Variants in MAN1C1 observed in about 807,000 individuals in gnomAD.
MAN1C1 encodes the protein mannosyl-oligosaccharide 1,2-alpha-mannosidase IC.
Under a neutral mutation model 71.5 loss-of-function variants are expected in MAN1C1, and 49 were observed. The observed-to-expected ratio is 0.69, with a 90% CI of 0.54 to 0.87. The LOEUF is 0.87. Among genes scored for constraint, MAN1C1 ranks in the 40% least tolerant of loss-of-function variants. The pLI, the probability that MAN1C1 is intolerant of heterozygous loss-of-function variation, is 0.00. For missense variants in MAN1C1, 743 were observed against 835.0 expected (o/e 0.89, Z 1.36); for synonymous variants, 352 against 343.7 (o/e 1.02, Z -0.27).
chr1:25,757,628 T>TA, intron 5 of MAN1C1, among the ~76,000 whole-genome samples: 1 of 152,148 alleles, frequency 6.6e-6, no homozygotes, highest in Admixed American at 6.5e-5. Flanking sequence ...CACTGTGTCT[T>TA]ACGGATGCAG....
At position 25,711,844 on chromosome 1, in the gene MAN1C1, A is replaced by G. The variant is rs569443754; in HGVS notation, c.637+25308A>G. On this transcript the variant is annotated intron_variant, in intron 2 of 11. Coordinates refer to ENST00000374332, the MANE Select transcript of MAN1C1 (RefSeq NM_020379.4). The surrounding 1 kb of genome is among the most constrained non-coding windows in gnomAD (Gnocchi z 4.3). Reference sequence around the variant, plus strand: ...TTTATTTTACTAAAAGATTCCTTTCATTCAGATCATGAGACAGAATTGGGA... The same window carrying G: ...TTTATTTTACTAAAAGATTCCTTTCGTTCAGATCATGAGACAGAATTGGGA... Among the ~76,000 whole-genome samples the G allele has an allele frequency of 6.6e-6, 1 of 152,246 alleles. No homozygotes were observed. The highest frequency in any genetic ancestry group is 1.5e-5 in the Non-Finnish European group (1 of 68,044).
At chr1:25,756,472 G>A (rs974300844) in intron 5 of MAN1C1, among the ~76,000 whole-genome samples, 15 of 152,096 alleles carry the variant, frequency 9.9e-5, no homozygotes, top group Admixed American at 3.9e-4. Context: ...GGGAAAAGGA[G>A]AACAAAAGAC....
chr1:25,708,840 C>T (rs2046563643), intron 2 of MAN1C1, among the ~76,000 whole-genome samples: 1 of 151,830 alleles, frequency 6.6e-6, no homozygotes, highest in African/African-American at 2.4e-5. Context: ...GCTGAGATTG[C>T]ACCACTGCAC....
At chr1:25,655,040 CTT>C (rs1237149796) in intron 1 of MAN1C1, among the ~76,000 whole-genome samples, 3 of 152,170 alleles carry the variant, frequency 2.0e-5, no homozygotes, top group Non-Finnish European at 4.4e-5. Context: ...CAAAACAAGT[CTT>C]TATTGGTTTG....
chr1:25,726,514 C>G (rs1435160957), intron 2 of MAN1C1, among the ~76,000 whole-genome samples: 1 of 152,128 alleles, frequency 6.6e-6, no homozygotes, highest in African/African-American at 2.4e-5. Flanking sequence ...GCATTTTATA[C>G]CCTGCTTTTT....
chr1:25,778,191 G>A lies in MAN1C1; in HGVS notation c.1344G>A (p.Met448Ile), dbSNP rs778051042. The A allele has an allele frequency of 6.2e-7, 1 of 1,613,112 alleles. No homozygotes were observed. Among genetic ancestry groups the A allele is most frequent in the South Asian group, 1.1e-5 (1 of 91,022 alleles). ...GAGGGGGGATTCTGGACCACAAGATGGGGCACCTGGCCTGTTTCTCCGGGG... is the reference window on the plus strand; with the variant it reads ...GAGGGGGGATTCTGGACCACAAGATAGGGCACCTGGCCTGTTTCTCCGGGG... Reference protein sequence around the residue: ...EWRGGILDHKMGHLACFSGGM... With the variant: ...EWRGGILDHKIGHLACFSGGM... Residue 448 changes from methionine (M) to isoleucine (I), a missense_variant, in exon 9 of 12, where the codon ATG becomes ATA. Coordinates refer to ENST00000374332, the MANE Select transcript of MAN1C1 (RefSeq NM_020379.4). The surrounding 1 kb of genome is among the most constrained non-coding windows in gnomAD (Gnocchi z 5.5).
chr1:25,772,001 C>G, intron 8 of MAN1C1: 1 of 516,626 alleles, frequency 1.9e-6, no homozygotes. Context: ...GATGTGAAAC[C>G]TAAGCTCTGG....
rs917710364 is a variant in MAN1C1 at position 25,653,421 on chromosome 1, T to A, written c.541-33019T>A. The stretch of plus-strand genomic sequence containing the variant: ...ACCCCCAACCATTTCCCAATACTGC[T>A]GGTCCCTTATTAGGGGCCTTTATGG... On this transcript the variant is annotated intron_variant, in intron 1 of 11. Transcript: ENST00000374332. 2.6e-5 allele frequency among the ~76,000 whole-genome samples: 4 copies of A among 152,222 alleles called. No individual in the cohort carries two copies. In the East Asian group the frequency reaches 7.7e-4, roughly 29 times the overall value.
chr1:25,782,550 A>G lies in MAN1C1; in HGVS notation c.1651-35A>G, dbSNP rs748560446. On this transcript the variant is annotated intron_variant, in intron 10 of 11. Coordinates refer to ENST00000374332, the MANE Select transcript of MAN1C1 (RefSeq NM_020379.4). This position sits in a 1 kb window ranked among gnomAD's most constrained non-coding sequence, Gnocchi z 4.4. The stretch of plus-strand genomic sequence containing the variant: ...TGAGGGGCCTTTCCTGTCCCGTGTT[A>G]AGGCTGTTTTCCTCCTCCTCTTCCC... 2.0e-6 allele frequency: 3 copies of G among 1,465,734 alleles called. No homozygotes were observed. The highest frequency in any genetic ancestry group is 2.9e-6 in the Non-Finnish European group (3 of 1,044,866). 90.8% of individuals were successfully genotyped at this position (1,465,734 alleles called of 1,614,324 possible). A position where few individuals can be genotyped will look rare whatever the true frequency, so the allele number is the denominator to read the frequency against.
In MAN1C1 at chr1:25,778,221, G is replaced by A. The variant is rs751165490; in HGVS notation, c.1374G>A (p.Met458Ile). 2 of 1,614,076 alleles carry A rather than the reference G, an allele frequency of 1.2e-6. No individual in the cohort carries two copies. The highest frequency in any genetic ancestry group is 1.7e-6 in the Non-Finnish European group (2 of 1,179,986). Residue 458 changes from methionine to isoleucine, a missense_variant, in exon 9 of 12, where the codon ATG becomes ATA. Met to Ile is a conservative substitution (Grantham distance 10, BLOSUM62 1). Coordinates refer to ENST00000374332, the MANE Select transcript of MAN1C1 (RefSeq NM_020379.4). The surrounding 1 kb of genome is among the most constrained non-coding windows in gnomAD (Gnocchi z 5.5). The stretch of plus-strand genomic sequence containing the variant: ...ACCTGGCCTGTTTCTCCGGGGGCAT[G>A]ATCGCCCTTGGCGCCGAGGATGCCA... ...MGHLACFSGG[M>I]IALGAEDAKE... is the part of the protein sequence containing the mutation.
At chr1:25,702,879 A>G (rs1027831141) in intron 2 of MAN1C1, among the ~76,000 whole-genome samples, 4 of 152,180 alleles carry the variant, frequency 2.6e-5, no homozygotes, top group Non-Finnish European at 4.4e-5. Context: ...GTGACTGCCT[A>G]TGTAGCGTTG....
intron 1 of MAN1C1, among the ~76,000 whole-genome samples, chr1:25,654,547 T>G (rs967361456): frequency 6.6e-6 from 1 of 152,228 alleles, no homozygotes; most frequent in African/African-American, 2.4e-5. Flanking sequence ...TTCTTTATGC[T>G]TTGCTTTTAC....
chr1:25,751,080 TTTCCATCCATCTTTCCTTCCTTCC>T (rs1306312559), intron 4 of MAN1C1, among the ~76,000 whole-genome samples: 70 of 150,220 alleles, frequency 4.7e-4, no homozygotes, highest in African/African-American at 1.6e-3. Context: ...CCCTCCCCCG[TTTCCATCCATCTTTCCTTCCTTCC>T]TTCCATCCAT....
Position 25,758,638 on chromosome 1 carries a change from G to A in MAN1C1, c.976G>A (p.Glu326Lys), listed in dbSNP as rs1572199996. 6.2e-7 allele frequency: 1 copy of A among 1,614,238 alleles called. No homozygotes were observed. Among genetic ancestry groups the A allele is most frequent in the East Asian group, 2.2e-5 (1 of 44,892 alleles). ...AGCCGGCAGCAGCAGCATCTTGGCG[G>A]AGTTTGGATCCCTGCACTTGGAATT... ...ATAGSSSILA[E>K]FGSLHLEFLH... Residue 326 changes from glutamate to lysine, a missense_variant, in exon 6 of 12, where the codon GAG (glutamate) becomes AAG (lysine). Glu to Lys is a moderately conservative substitution (Grantham distance 56). Coordinates refer to ENST00000374332, the MANE Select transcript of MAN1C1 (RefSeq NM_020379.4).
At chr1:25,683,241 T>G (rs150053838) in intron 1 of MAN1C1, among the ~76,000 whole-genome samples, 235 of 152,270 alleles carry the variant, frequency 1.5e-3, no homozygotes, top group African/African-American at 4.5e-3. Context: ...TACCTGTCCA[T>G]CAGAACTCTT....
chr1:25,662,837 G>C (rs1428210814), intron 1 of MAN1C1, among the ~76,000 whole-genome samples: 2 of 152,308 alleles, frequency 1.3e-5, no homozygotes, highest in Non-Finnish European at 2.9e-5. Context: ...CAAGGCGGGA[G>C]GATCACGAGG....
intron 7 of MAN1C1, among the ~76,000 whole-genome samples, chr1:25,767,329 TC>T (rs1487510547): frequency 2.3e-3 from 72 of 31,906 alleles, no homozygotes; most frequent in Non-Finnish European, 4.1e-3. Context: ...CCTCACACAC[TC>T]CCCCCACACA....
At position 25,656,095 on chromosome 1, in the gene MAN1C1, C is replaced by CTTT. The variant is rs59710145; in HGVS notation, c.541-30325_541-30323dup. Among the ~76,000 whole-genome samples, 42 of 74,964 alleles carry CTTT rather than the reference C, an allele frequency of 5.6e-4. 2 individuals carry two copies. Among genetic ancestry groups the CTTT allele is most frequent in the East Asian group, 9.8e-4 (2 of 2,042 alleles). The allele number at this position is 74,964 out of a possible 152,430, so 49.2% of individuals were successfully genotyped here. A position where few individuals can be genotyped will look rare whatever the true frequency, so the allele number is the denominator to read the frequency against. ...TATGTCTTAGGTTGGGATTATCAGT[C>CTTT]TTTTTTTTTTTTTTTTTTTTTTGAG... On this transcript the variant is annotated intron_variant, in intron 1 of 11. Transcript: ENST00000374332.
chr1:25,631,243 C>T lies in MAN1C1; in HGVS notation c.540+12906C>T, dbSNP rs1023841210. On this transcript the variant is annotated intron_variant, in intron 1 of 11. Transcript: ENST00000374332. This position sits in a 1 kb window ranked among gnomAD's most constrained non-coding sequence, Gnocchi z 4.2. Reference sequence around the variant, plus strand: ...TCAGCCTCCCAAAGTGCTAGGATTACAGGCATGAGCCACCGCACCCAGCCC... The same window carrying T: ...TCAGCCTCCCAAAGTGCTAGGATTATAGGCATGAGCCACCGCACCCAGCCC... Among the ~76,000 whole-genome samples the T allele has an allele frequency of 4.6e-5, 7 of 152,164 alleles. No homozygotes were observed. The highest frequency in any genetic ancestry group is 7.3e-5 in the Non-Finnish European group (5 of 68,032).
Sources: gnomAD v4.1 joint callset for allele counts (sites outside exome capture counted in the v4.1 genomes callset) on GRCh38, gnomAD v4.1.1 for gene constraint, Gnocchi (gnomAD v3.1) non-coding constraint, MANE v1.5 for transcripts, NCBI Gene and HGNC (gene_info 2026-07-23, HGNC 2026-07-21) for gene names.